The following ICA1 variants were observed in gnomAD, a reference collection of about 807,000 sequenced individuals.
ICA1 encodes 69 kDa islet cell autoantigen.
ICA1 carries 40 observed loss-of-function variants against 71.0 expected under a neutral mutation model. That is an observed-to-expected ratio of 0.56 (90% CI 0.44 to 0.73). The LOEUF (loss-of-function observed/expected upper bound fraction) is 0.73, where lower values mean the gene tolerates loss of function less well. Ranked by LOEUF, ICA1 falls within the 30% of genes least tolerant of loss-of-function variation. The probability of loss-of-function intolerance (pLI) is 0.00; values close to 1 mark genes in which losing one functional copy is unlikely to be tolerated. For missense variants in ICA1, 578 were observed against 576.5 expected (o/e 1.00, Z -0.03); for synonymous variants, 207 against 209.5 (o/e 0.99, Z 0.10).
intron 6 of ICA1, among the ~76,000 whole-genome samples, chr7:8,181,793 C>A (rs553606057): frequency 7.8e-4 from 119 of 152,300 alleles, no homozygotes; most frequent in Non-Finnish European, 1.4e-3. Context: ...GTATTCACAT[C>A]ACCTTTCTTA....
At chr7:8,248,456 T>C (rs1245113495) in intron 1 of ICA1, among the ~76,000 whole-genome samples, 1 of 152,170 alleles carries the variant, frequency 6.6e-6, no homozygotes, top group East Asian at 1.9e-4. Flanking sequence ...CCAGGAACAG[T>C]GGCTCATGCT....
intron 12 of ICA1, among the ~76,000 whole-genome samples, chr7:8,129,540 A>G (rs146148650): frequency 6.6e-6 from 1 of 152,280 alleles, no homozygotes; most frequent in Non-Finnish European, 1.5e-5. Context: ...GTTTAAAAAT[A>G]GTGGCAAAAC....
intron 1 of ICA1, among the ~76,000 whole-genome samples, chr7:8,246,985 A>G (rs56377159): frequency 3.3e-5 from 5 of 152,104 alleles, no homozygotes; most frequent in African/African-American, 1.2e-4. Context: ...TGACCTCATG[A>G]TCCACCCGCC....
chr7:8,244,851 A>T (rs1005515252), intron 1 of ICA1, among the ~76,000 whole-genome samples: 5 of 152,212 alleles, frequency 3.3e-5, no homozygotes, highest in Non-Finnish European at 4.4e-5. Context: ...AATCAAAACC[A>T]CAGTGAGATA....
chr7:8,259,638 G>A (rs1261626291), intron 1 of ICA1, among the ~76,000 whole-genome samples: 1 of 152,154 alleles, frequency 6.6e-6, no homozygotes, highest in Admixed American at 6.5e-5. Context: ...CCCTAAAAAG[G>A]TGGATATTCC....
chr7:8,242,083 A>G (rs1252963440), intron 1 of ICA1, among the ~76,000 whole-genome samples: 1 of 152,136 alleles, frequency 6.6e-6, no homozygotes, highest in African/African-American at 2.4e-5. Flanking sequence ...ACATCTACAG[A>G]ACTCTCCACC....
At chr7:8,201,286 G>T (rs888388944) in intron 6 of ICA1, among the ~76,000 whole-genome samples, 15 of 152,126 alleles carry the variant, frequency 9.9e-5, no homozygotes, top group Non-Finnish European at 1.8e-4. Flanking sequence ...TTGAAACTCG[G>T]GCTTTTTAAA....
In ICA1 at chr7:8,138,858, T is replaced by C. The variant is rs771619771; in HGVS notation, c.1042A>G (p.Met348Val). Residue 348 changes from methionine (M) to valine (V), a missense_variant, in exon 12 of 14, where the codon ATG becomes GTG. Physicochemically the swap from Met to Val is conservative, Grantham distance 21. Transcript: ENST00000402384. ...ATCTTACCACCTTCCTCAGATTTCA[T>C]GTCTAATAGTTCATCTATGGGTCCT... ...CSGPIDELLD[M>V]KSEEGACLGP... The C allele has an allele frequency of 8.1e-6, 13 of 1,605,962 alleles. No homozygotes were observed. The highest frequency in any genetic ancestry group is 1.0e-5 in the Non-Finnish European group (12 of 1,173,500).
At chr7:8,212,551 C>G (rs890989650) in intron 6 of ICA1, among the ~76,000 whole-genome samples, 1 of 152,118 alleles carries the variant, frequency 6.6e-6, no homozygotes. Context: ...GGAGACAGAG[C>G]AAGACCCTGT....
intron 13 of ICA1, among the ~76,000 whole-genome samples, chr7:8,120,903 G>A (rs1197704161): frequency 6.6e-6 from 1 of 152,208 alleles, no homozygotes; most frequent in Non-Finnish European, 1.5e-5. Flanking sequence ...GCTGGGAGGG[G>A]ATCACAGCCT....
At chr7:8,231,306 A>G (rs534273105) in intron 3 of ICA1, among the ~76,000 whole-genome samples, 6 of 152,208 alleles carry the variant, frequency 3.9e-5, no homozygotes, top group African/African-American at 1.4e-4. Flanking sequence ...GAGAGAGGAA[A>G]TGCAGGATGG....
Position 8,123,500 on chromosome 7 carries a change from G to A in ICA1, c.1330+4373C>T, listed in dbSNP as rs569632606. Reference sequence around the variant, plus strand: ...AGGACTCGGTGCCCCAGTCTCTCACGGAGAGCCAGGAAAACCTGAGATGCA... The same window carrying A: ...AGGACTCGGTGCCCCAGTCTCTCACAGAGAGCCAGGAAAACCTGAGATGCA... On this transcript the variant is annotated intron_variant, in intron 13 of 13. Transcript: ENST00000402384. The surrounding 1 kb of genome is among the most constrained non-coding windows in gnomAD (Gnocchi z 4.1). 7.2e-5 allele frequency among the ~76,000 whole-genome samples: 11 copies of A among 152,318 alleles called. No homozygotes were observed. Among genetic ancestry groups the A allele is most frequent in the Admixed American group, 3.9e-4 (6 of 15,300 alleles).
chr7:8,247,037 T>A (rs955289098), intron 1 of ICA1, among the ~76,000 whole-genome samples: 1 of 149,342 alleles, frequency 6.7e-6, no homozygotes, highest in Non-Finnish European at 1.5e-5. Context: ...TGAACCACCA[T>A]GCCTGGCCTT....
intron 1 of ICA1, among the ~76,000 whole-genome samples, chr7:8,260,311 G>A (rs1170544131): frequency 6.6e-6 from 1 of 152,114 alleles, no homozygotes; most frequent in Non-Finnish European, 1.5e-5. Context: ...CTTTTCGTGA[G>A]ATTGATCTTT....
At chr7:8,257,823 C>G (rs1483669864) in intron 1 of ICA1, among the ~76,000 whole-genome samples, 2 of 152,226 alleles carry the variant, frequency 1.3e-5, no homozygotes, top group East Asian at 3.8e-4. Context: ...CCTCCTGAAT[C>G]ACAGATGATC....
At position 8,133,283 on chromosome 7, in the gene ICA1, C is replaced by A. The variant is rs112697400; in HGVS notation, c.1061-5141G>T. The stretch of plus-strand genomic sequence containing the variant: ...CCCTATAACTCTAAGAAATAAATTC[C>A]ATTTCTTTCTTTTCTTTTCTTGTTT... On this transcript the variant is annotated intron_variant, in intron 12 of 13. Transcript: ENST00000402384. Among the ~76,000 whole-genome samples, 1,464 of 152,168 alleles carry A rather than the reference C, an allele frequency of 9.6e-3. 9 individuals are homozygous for A. Among genetic ancestry groups the A allele is most frequent in the Middle Eastern group, 0.027 (8 of 294 alleles).
chr7:8,138,779 G>T, intron 12 of ICA1, 61 bp downstream of exon 12: 1 of 1,308,044 alleles, frequency 7.6e-7, no homozygotes, highest in Non-Finnish European at 1.1e-6. Context: ...TTTCTTACAT[G>T]TAAAAGAGTA....
intron 8 of ICA1, among the ~76,000 whole-genome samples, chr7:8,153,508 C>G (rs967739902): frequency 6.6e-6 from 1 of 151,630 alleles, no homozygotes; most frequent in African/African-American, 2.4e-5. Context: ...TTTTTTTTCC[C>G]CCTTGATAAT....
At chr7:8,125,967 A>C (rs1193451831) in intron 13 of ICA1, among the ~76,000 whole-genome samples, 4 of 152,124 alleles carry the variant, frequency 2.6e-5, no homozygotes, top group Non-Finnish European at 5.9e-5. Context: ...GCAATTCCCC[A>C]TGGCCGCTGC....
Sources: allele counts gnomAD v4.1 joint callset (sites outside exome capture counted in the v4.1 genomes callset), GRCh38; gene constraint gnomAD v4.1.1; non-coding constraint Gnocchi (gnomAD v3.1); transcripts MANE v1.5; gene names NCBI Gene and HGNC (gene_info 2026-07-23, HGNC 2026-07-21).